The following RSRP1 variants were observed in gnomAD, a reference collection of about 807,000 sequenced individuals.
RSRP1 encodes the protein arginine/serine-rich protein 1.
A neutral mutation model predicts 33.0 loss-of-function variants in RSRP1; 37 were observed. That is an observed-to-expected ratio of 1.12 (90% CI 0.86 to 1.48). The LOEUF is 1.48. Ranked by LOEUF, RSRP1 falls within the 40% of genes most tolerant of loss-of-function variation. RSRP1 has a pLI of 0.00. For missense variants in RSRP1, 402 were observed against 385.3 expected (o/e 1.04, Z -0.36); for synonymous variants, 167 against 158.7 (o/e 1.05, Z -0.40).
At chr1:25,259,248 C>T (rs1485078874) in intron 1 of RSRP1, among the ~76,000 whole-genome samples, 1 of 152,008 alleles carries the variant, frequency 6.6e-6, no homozygotes, top group Non-Finnish European at 1.5e-5. Flanking sequence ...GCACCCACCA[C>T]ATCTGGCTAA....
chr1:25,292,337 G>A (rs1642578841), intron 1 of RSRP1, among the ~76,000 whole-genome samples: 1 of 132,478 alleles, frequency 7.5e-6, no homozygotes, highest in Admixed American at 7.4e-5. Flanking sequence ...AAGACTGAAG[G>A]GGCAAGAGAG....
chr1:25,277,210 T>C (rs1641090573), intron 1 of RSRP1, among the ~76,000 whole-genome samples: 1 of 132,840 alleles, frequency 7.5e-6, no homozygotes, highest in South Asian at 2.3e-4. Context: ...GACTCAAGGC[T>C]GTATGACATC....
In RSRP1 at chr1:25,330,595, T is replaced by C. The variant is rs1211541481; in HGVS notation, c.-67+7383A>G. On this transcript the variant is annotated intron_variant, in intron 1 of 1. Transcript: ENST00000561867. ...CACATAATTTTACAGATTTTTTTTT[T>C]CCTACACAGCACATAAAACAGAAGG... 10 of 129,242 alleles carry C rather than the reference T, an allele frequency of 7.7e-5. 3 individuals carry two copies. The highest frequency in any genetic ancestry group is 2.1e-4 in the African/African-American group (8 of 38,186). The allele number at this position is 129,242 out of a possible 1,614,324, so 8.0% of individuals were successfully genotyped here.
chr1:25,276,022 A>G lies in RSRP1; in HGVS notation c.-66-28993T>C, dbSNP rs577154257. ...TTAAACTTAGGTAACTTAATCTGTC[A>G]ATCCACTTAATTGAATTCAGTCCTG... is the stretch of plus-strand genomic sequence containing the variant. On this transcript the variant is annotated intron_variant, in intron 1 of 1. Transcript: ENST00000561867. Among the ~76,000 whole-genome samples, 1,246 of 132,210 alleles carry G rather than the reference A, an allele frequency of 9.4e-3. 142 individuals carry two copies. Among genetic ancestry groups the G allele is most frequent in the African/African-American group, 0.03 (1,163 of 38,756 alleles). 86.7% of individuals were successfully genotyped at this position (132,210 alleles called of 152,430 possible).
chr1:25,292,489 G>T lies in RSRP1; in HGVS notation c.-66-45460C>A, dbSNP rs1290909992. Among the ~76,000 whole-genome samples, 74 of 132,154 alleles carry T rather than the reference G, an allele frequency of 5.6e-4. 12 individuals carry two copies. The highest frequency in any genetic ancestry group is 1.8e-3 in the African/African-American group (68 of 38,796). 86.7% of individuals were successfully genotyped at this position (132,154 alleles called of 152,430 possible). A position where few individuals can be genotyped will look rare whatever the true frequency, so the allele number is the denominator to read the frequency against. Reference sequence around the variant, plus strand: ...GACAGGATTTGCTGATAGACTGCACGTGGGGTGGGAGAGGGTCAAGATGAC... The same window carrying T: ...GACAGGATTTGCTGATAGACTGCACTTGGGGTGGGAGAGGGTCAAGATGAC... On this transcript the variant is annotated intron_variant, in intron 1 of 1. Transcript: ENST00000561867.
At chr1:25,282,719 G>T (rs1338738926) in intron 1 of RSRP1, among the ~76,000 whole-genome samples, 1 of 131,416 alleles carries the variant, frequency 7.6e-6, no homozygotes, top group Non-Finnish European at 1.8e-5. Flanking sequence ...GAGGTCAGGA[G>T]TTCGAGACCA....
rs1413389201 is a variant in RSRP1 at position 25,333,453 on chromosome 1, T to C, written c.-67+4525A>G. ...AGTGAAGAAGTGAGCCATGTGGGTA[T>C]GGGGAATACAACTTCCAGGTAGAGA... On this transcript the variant is annotated intron_variant, in intron 1 of 1. Coordinates refer to the RSRP1 transcript ENST00000561867. 1.5e-4 allele frequency among the ~76,000 whole-genome samples: 20 copies of C among 129,454 alleles called. 4 individuals carry two copies. The highest frequency in any genetic ancestry group is 3.3e-4 in the African/African-American group (12 of 36,368). The allele number at this position is 129,454 out of a possible 152,430, so 84.9% of individuals were successfully genotyped here. A position where few individuals can be genotyped will look rare whatever the true frequency, so the allele number is the denominator to read the frequency against.
chr1:25,261,906 T>C (rs189308244), intron 1 of RSRP1, among the ~76,000 whole-genome samples: 10 of 151,160 alleles, frequency 6.6e-5, no homozygotes, highest in Admixed American at 6.6e-4. Context: ...GAAATGGGGT[T>C]TCACCATGTT....
At chr1:25,278,966 A>C (rs2904826) in intron 1 of RSRP1, among the ~76,000 whole-genome samples, 1 of 128,922 alleles carries the variant, frequency 7.8e-6, no homozygotes, top group East Asian at 2.0e-4. Context: ...TCAACCCTAG[A>C]GCCTGGGAGA....
intron 1 of RSRP1, among the ~76,000 whole-genome samples, chr1:25,308,735 T>C (rs1643980620): frequency 7.8e-6 from 1 of 127,942 alleles, no homozygotes; most frequent in South Asian, 2.4e-4. Flanking sequence ...AAGAAGCAGT[T>C]ATCCTCTTGC....
intron 1 of RSRP1, among the ~76,000 whole-genome samples, chr1:25,257,748 C>T (rs1019954186): frequency 1.3e-5 from 2 of 151,930 alleles, no homozygotes; most frequent in Non-Finnish European, 2.9e-5. Flanking sequence ...TACAGGCACA[C>T]GTCTCCATGC....
rs1342173861 is a variant in RSRP1, at chr1:25,310,623, G to T, written c.-67+27355C>A. Reference sequence around the variant, plus strand: ...GAAGTGGCTTTGGAACTGGGTGATGGGAATAGGTTGGAAGAGTTTTGAGGA... The same window carrying T: ...GAAGTGGCTTTGGAACTGGGTGATGTGAATAGGTTGGAAGAGTTTTGAGGA... On this transcript the variant is annotated intron_variant, in intron 1 of 1. Transcript: ENST00000561867. 6.8e-5 allele frequency among the ~76,000 whole-genome samples: 9 copies of T among 131,738 alleles called. 3 individuals are homozygous for T. The highest frequency in any genetic ancestry group is 1.5e-4 in the Admixed American group (2 of 13,392). 86.4% of individuals were successfully genotyped at this position (131,738 alleles called of 152,430 possible).
intron 1 of RSRP1, among the ~76,000 whole-genome samples, chr1:25,320,060 G>T (rs183175837): frequency 7.6e-6 from 1 of 130,726 alleles, no homozygotes; most frequent in African/African-American, 2.6e-5. Context: ...CACCACACCC[G>T]GCTAATTTTG....
chr1:25,243,213 C>T (rs1352909938), intron 4 of RSRP1, among the ~76,000 whole-genome samples: 1 of 152,178 alleles, frequency 6.6e-6, no homozygotes, highest in African/African-American at 2.4e-5. Flanking sequence ...ACACAAGATA[C>T]ACAAGGTATA....
At position 25,306,557 on chromosome 1, in the gene RSRP1, C is replaced by T. The variant is rs773816794; in HGVS notation, c.-67+31421G>A. The T allele has an allele frequency of 4.4e-6, 6 of 1,371,754 alleles. 2 individuals are homozygous for T. The South Asian group carries it at 7.1e-5, about 16-fold the overall frequency. 85.0% of individuals were successfully genotyped at this position (1,371,754 alleles called of 1,614,324 possible). A position where few individuals can be genotyped will look rare whatever the true frequency, so the allele number is the denominator to read the frequency against. ...AAAGGGGTGGGTAGGGAATATGGGT[C>T]TCACCTGCCAATCTGCTTATAATAA... On this transcript the variant is annotated intron_variant, in intron 1 of 1. Coordinates refer to the RSRP1 transcript ENST00000561867.
Position 25,245,032 on chromosome 1 carries a change from T to C in RSRP1, c.672+118A>G, listed in dbSNP as rs113303253. 11,571 of 1,586,058 alleles carry C rather than the reference T, an allele frequency of 7.3e-3. 72 individuals carry two copies. The highest frequency in any genetic ancestry group is 7.0e-3 in the Middle Eastern group (40 of 5,696). Reference sequence around the variant, plus strand: ...ATCTTCAGATTTGCTACTTTGAATTTAGCACATTATATACATCTCTAGACT... The same window carrying C: ...ATCTTCAGATTTGCTACTTTGAATTCAGCACATTATATACATCTCTAGACT... On this transcript the variant is annotated intron_variant, in intron 3 of 4. Coordinates refer to ENST00000243189, the MANE Select transcript of RSRP1 (RefSeq NM_020317.5).
chr1:25,254,620 G>T (rs1420701181), intron 1 of RSRP1, among the ~76,000 whole-genome samples: 3 of 152,030 alleles, frequency 2.0e-5, no homozygotes, highest in Admixed American at 6.6e-5. Context: ...ATTTTTAGTA[G>T]GGACGGGGTT....
At chr1:25,285,088 C>T (rs1310822594) in intron 1 of RSRP1, among the ~76,000 whole-genome samples, 7 of 133,066 alleles carry the variant, frequency 5.3e-5, no homozygotes, top group Middle Eastern at 4.2e-3. Flanking sequence ...GAAGGAAACA[C>T]GTTAGACAGA....
At position 25,322,620 on chromosome 1, in the gene RSRP1, C is replaced by T. The variant is rs957165802; in HGVS notation, c.-67+15358G>A. Among the ~76,000 whole-genome samples the T allele has an allele frequency of 1.8e-4, 23 of 130,696 alleles. 5 individuals carry two copies. The highest frequency in any genetic ancestry group is 3.4e-4 in the Non-Finnish European group (19 of 55,172). 85.7% of individuals were successfully genotyped at this position (130,696 alleles called of 152,430 possible). A position where few individuals can be genotyped will look rare whatever the true frequency, so the allele number is the denominator to read the frequency against. Reference sequence around the variant, plus strand: ...CCTGGGAAGCGAAGTTTGCAGTGATCTGAGATCATGCCACTGCACTCCAGC... The same window carrying T: ...CCTGGGAAGCGAAGTTTGCAGTGATTTGAGATCATGCCACTGCACTCCAGC... On this transcript the variant is annotated intron_variant, in intron 1 of 1. Transcript: ENST00000561867.
Sources: allele counts gnomAD v4.1 joint callset (sites outside exome capture counted in the v4.1 genomes callset), GRCh38; gene constraint gnomAD v4.1.1; transcripts MANE v1.5; gene names NCBI Gene and HGNC (gene_info 2026-07-23, HGNC 2026-07-21).